Variants in STAU1 observed in about 807,000 individuals in gnomAD.
STAU1 encodes the protein double-stranded RNA-binding protein Staufen homolog 1.
STAU1 carries 13 observed loss-of-function variants against 62.9 expected under a neutral mutation model. That is an observed-to-expected ratio of 0.21 (90% CI 0.13 to 0.33). The LOEUF (loss-of-function observed/expected upper bound fraction) is 0.33, where lower values mean the gene tolerates loss of function less well. Among genes scored for constraint, STAU1 ranks in the 10% least tolerant of loss-of-function variants. STAU1 has a pLI of 1.00. For synonymous variants in STAU1, 269 were observed against 265.1 expected, an observed-to-expected ratio of 1.01 and a Z score of -0.14; for missense variants, 571 against 712.1, an observed-to-expected ratio of 0.80 and a Z score of 2.25.
chr20:49,135,799 A>G (rs2092868614), intron 6 of STAU1, 34 bp downstream of exon 6: 1 of 1,502,168 alleles, frequency 6.7e-7, no homozygotes, highest in South Asian at 1.2e-5. Context: ...ACAGGATTTT[A>G]GAATACAAAG....
At chr20:49,156,127 C>T (rs142161194) in intron 3 of STAU1, among the ~76,000 whole-genome samples, 89 of 152,324 alleles carry the variant, frequency 5.8e-4, no homozygotes, top group African/African-American at 2.1e-3. Context: ...AGACATACAA[C>T]TGGCAATAAG....
In STAU1 at chr20:49,134,794, T is replaced by C; in HGVS notation, c.609+1039A>G. 3 of 1,287,382 alleles carry C rather than the reference T, an allele frequency of 2.3e-6. No individual in the cohort carries two copies. The South Asian group carries it at 3.6e-5, about 15-fold the overall frequency. The allele number at this position is 1,287,382 out of a possible 1,614,324, so 79.7% of individuals were successfully genotyped here. A position where few individuals can be genotyped will look rare whatever the true frequency, so the allele number is the denominator to read the frequency against. On this transcript the variant is annotated intron_variant, in intron 6 of 13. Coordinates refer to ENST00000371856, the MANE Select transcript of STAU1 (RefSeq NM_017453.4). Reference sequence around the variant, plus strand: ...CACTGGGAATCATTAGTTTTCCCATTCCTGGAGAGCCTGGTTTTCCACTTC... The same window carrying C: ...CACTGGGAATCATTAGTTTTCCCATCCCTGGAGAGCCTGGTTTTCCACTTC...
At chr20:49,176,881 C>T (rs1040672549) in intron 1 of STAU1, among the ~76,000 whole-genome samples, 14 of 150,878 alleles carry the variant, frequency 9.3e-5, no homozygotes, top group Admixed American at 2.0e-4. Flanking sequence ...TCCAAATTCC[C>T]TATCCCCTAT....
intron 10 of STAU1, 110 bp from the exon 11 acceptor site, chr20:49,118,206 G>C: frequency 1.5e-6 from 2 of 1,365,214 alleles, no homozygotes; most frequent in Admixed American, 3.7e-5. Flanking sequence ...TGGCAGCGCA[G>C]GGAATCAGGG....
intron 5 of STAU1, among the ~76,000 whole-genome samples, chr20:49,149,718 A>G (rs894170520): frequency 6.6e-6 from 1 of 152,188 alleles, no homozygotes; most frequent in Non-Finnish European, 1.5e-5. Context: ...TTTGGTCCTT[A>G]GTGAGCCCTG....
chr20:49,118,273 A>C (rs2092379404), intron 10 of STAU1, 60 bp downstream of exon 10: 10 of 1,510,106 alleles, frequency 6.6e-6, no homozygotes, highest in Non-Finnish European at 9.2e-6. Flanking sequence ...GCTGTTATTC[A>C]GGACCCATGC....
chr20:49,186,743 A>G (rs1329410182), intron 1 of STAU1, among the ~76,000 whole-genome samples: 1 of 152,038 alleles, frequency 6.6e-6, no homozygotes, highest in Non-Finnish European at 1.5e-5. Flanking sequence ...TTTTACCTCA[A>G]CAAGTAGCAA....
Position 49,114,996 on chromosome 20 carries a change from C to T in STAU1, c.1719-103G>A, listed in dbSNP as rs73132104. The T allele has an allele frequency of 7.7e-3, 9,277 of 1,205,284 alleles. 56 individuals carry two copies. Among genetic ancestry groups the T allele is most frequent in the Non-Finnish European group, 8.1e-3 (6,721 of 833,110 alleles). The allele number at this position is 1,205,284 out of a possible 1,614,324, so 74.7% of individuals were successfully genotyped here. ...TTGGCAAACATCAGGAAGTACAATA[C>T]TAAAAGCCCCAGTTTATGATAACAA... On this transcript the variant is annotated intron_variant, in intron 13 of 13. Transcript: ENST00000371856.
the STAU1 span, among the ~76,000 whole-genome samples, chr20:49,194,103 A>G: frequency 6.6e-6 from 1 of 151,954 alleles, no homozygotes; most frequent in Non-Finnish European, 1.5e-5. Context: ...ATACCAGGGA[A>G]CATACCAAAT....
the STAU1 span, among the ~76,000 whole-genome samples, chr20:49,193,756 C>T: frequency 5.3e-5 from 8 of 151,786 alleles, no homozygotes; most frequent in Admixed American, 5.2e-4. Context: ...ATCACGAGGT[C>T]AGGAGATCAA....
chr20:49,151,779 G>C (rs2093255250), intron 4 of STAU1, 32 bp from the exon 5 acceptor site: 3 of 1,590,312 alleles, frequency 1.9e-6, no homozygotes, highest in South Asian at 2.3e-5. Context: ...GCAAATTACA[G>C]TCTCAAGTTG....
intron 13 of STAU1, among the ~76,000 whole-genome samples, chr20:49,115,195 G>A (rs2092286276): frequency 6.6e-6 from 1 of 152,038 alleles, no homozygotes; most frequent in African/African-American, 2.4e-5. Context: ...GGGGGAGGCG[G>A]TGGGGAGAAT....
chr20:49,145,255 CT>C (rs2093101795), intron 5 of STAU1, among the ~76,000 whole-genome samples: 1 of 150,888 alleles, frequency 6.6e-6, no homozygotes, highest in Admixed American at 6.6e-5. Context: ...GAAACCCCAT[CT>C]CTACTAAAAA....
intron 3 of STAU1, chr20:49,158,540 T>G (rs773317365): frequency 7.7e-7 from 1 of 1,292,066 alleles, no homozygotes. Flanking sequence ...CCAGGTGCAG[T>G]GGCTCATGCC....
intron 3 of STAU1, among the ~76,000 whole-genome samples, chr20:49,156,314 A>G (rs2093355811): frequency 6.6e-6 from 1 of 152,188 alleles, no homozygotes; most frequent in Non-Finnish European, 1.5e-5. Flanking sequence ...GCCTTTCCAG[A>G]TTGTCAGGCG....
In STAU1 at chr20:49,124,397, T is replaced by G; in HGVS notation, c.800A>C (p.Lys267Thr). The G allele has an allele frequency of 6.2e-7, 1 of 1,614,072 alleles. No individual in the cohort carries two copies. The highest frequency in any genetic ancestry group is 1.3e-5 in the African/African-American group (1 of 75,022). The change falls in exon 7 of 14, where the codon AAG becomes ACG. Residue 267 changes from lysine to threonine, a missense_variant. Lys to Thr is a moderately conservative substitution (Grantham distance 78, BLOSUM62 -1). Around this residue, in one of 3 missense-constraint regions of STAU1, gnomAD observed 414 missense variants for 499.6 expected, o/e 0.83. Coordinates refer to ENST00000371856, the MANE Select transcript of STAU1 (RefSeq NM_017453.4). ...CACCTTGACTATGGGTTTTGTTTTC[T>G]TTTTGATTCTAGGCTTTACTCGTTC... The part of the protein sequence containing the change: ...AVERVKPRIK[K>T]KTKPIVKPQT...
At chr20:49,160,449 A>G (rs547598066) in intron 3 of STAU1, among the ~76,000 whole-genome samples, 2 of 152,288 alleles carry the variant, frequency 1.3e-5, no homozygotes, top group South Asian at 2.1e-4. Flanking sequence ...CTCTCATACT[A>G]TATCATCTTA....
chr20:49,134,335 G>A, intron 6 of STAU1: 1 of 399,066 alleles, frequency 2.5e-6, no homozygotes, highest in Non-Finnish European at 4.6e-6. Context: ...GGAGGCTGAG[G>A]CAGGAGAATC....
At chr20:49,156,286 G>T (rs993805025) in intron 3 of STAU1, among the ~76,000 whole-genome samples, 1 of 152,016 alleles carries the variant, frequency 6.6e-6, no homozygotes, top group Non-Finnish European at 1.5e-5. Context: ...CTGGTCACCC[G>T]CCATCCTTCC....
Sources: gnomAD v4.1 joint callset for allele counts (sites outside exome capture counted in the v4.1 genomes callset) on GRCh38, gnomAD v4.1.1 for gene constraint, gnomAD v4.1.1 regional missense constraint, MANE v1.5 for transcripts, NCBI Gene and HGNC (gene_info 2026-07-23, HGNC 2026-07-21) for gene names.